GHRH: variants seen among roughly 807,000 people sequenced by gnomAD.
The protein encoded by GHRH is somatoliberin.
In GHRH, 7 loss-of-function variants were observed where a neutral mutation model predicts 15.6. The observed-to-expected ratio is 0.45, with a 90% CI of 0.26 to 0.84. The LOEUF is 0.84. GHRH is among the 40% of genes least tolerant of loss of function. The pLI is 0.18. For missense variants in GHRH, 117 were observed against 138.0 expected, an observed-to-expected ratio of 0.85 and a Z score of 0.76; for synonymous variants, 54 against 50.4, an observed-to-expected ratio of 1.07 and a Z score of -0.30.
chr20:37,253,894 G>A (rs1020242524), intron 4 of GHRH, among the ~76,000 whole-genome samples: 1 of 149,160 alleles, frequency 6.7e-6, no homozygotes, highest in Non-Finnish European at 1.5e-5. Flanking sequence ...GGGATTACAG[G>A]CGTGAGCCAC....
chr20:37,256,825 G>A lies in GHRH; in HGVS notation c.65C>T (p.Pro22Leu). 6.2e-7 allele frequency: 1 copy of A among 1,612,748 alleles called. No homozygotes were observed. ...TLSNSSHCSP[P>L]PPLTLRMRRY... ...TGCTTACCTGAGGGTCAAAGGGGGA[G>A]GTGGGGAGCAGTGGGAGCTGTTGCT... Residue 22 changes from proline to leucine, a missense_variant, in exon 2 of 5, where the codon CCT (proline) becomes CTT (leucine). Transcript: ENST00000373614.
Position 37,251,133 on chromosome 20 carries a change from A to G in GHRH, c.*80T>C. 1 of 971,184 alleles carries G rather than the reference A, an allele frequency of 1.0e-6. No individual in the cohort carries two copies. Among genetic ancestry groups the G allele is most frequent in the African/African-American group, 1.7e-5 (1 of 60,334 alleles). The allele number at this position is 971,184 out of a possible 1,614,324, so 60.2% of individuals were successfully genotyped here. Reference sequence around the variant, plus strand: ...GGAATTTTATTGTATTTTCAAAGGAAAAAGTGGGTCAGAAATGAGAGGATT... The same window carrying G: ...GGAATTTTATTGTATTTTCAAAGGAGAAAGTGGGTCAGAAATGAGAGGATT... On this transcript the variant is annotated 3_prime_UTR_variant, in exon 5 of 5. Coordinates refer to ENST00000373614, the MANE Select transcript of GHRH (RefSeq NM_021081.6).
At chr20:37,260,422 A>C (rs1031238387) in intron 1 of GHRH, among the ~76,000 whole-genome samples, 1 of 151,784 alleles carries the variant, frequency 6.6e-6, no homozygotes, top group Admixed American at 6.6e-5. Context: ...ACACAAAACA[A>C]AACAAAAAAA....
intron 1 of GHRH, among the ~76,000 whole-genome samples, chr20:37,261,409 G>A (rs1401620291): frequency 1.3e-5 from 2 of 152,142 alleles, no homozygotes; most frequent in South Asian, 2.1e-4. Context: ...GAATCCCATC[G>A]CTGACAGGAA....
intron 4 of GHRH, among the ~76,000 whole-genome samples, chr20:37,252,149 C>A (rs1003878740): frequency 6.6e-6 from 1 of 152,208 alleles, no homozygotes; most frequent in East Asian, 1.9e-4. Context: ...TCTTGTCTTG[C>A]GGACCCTAGA....
intron 3 of GHRH, 56 bp downstream of exon 3, chr20:37,256,338 G>A: frequency 9.0e-7 from 1 of 1,116,286 alleles, no homozygotes; most frequent in Non-Finnish European, 1.3e-6. Context: ...TAGGGAACAA[G>A]CTCCTGCAGA....
Position 37,256,494 on chromosome 20 carries a change from G to T in GHRH, c.88C>A (p.Arg30=). 1 of 1,607,928 alleles carries T rather than the reference G, an allele frequency of 6.2e-7. No homozygotes were observed. The highest frequency in any genetic ancestry group is 8.5e-7 in the Non-Finnish European group (1 of 1,175,618). ...GTGAAGATGGCATCTGCATACCGCC[G>T]CATCCTGTGCGGAAGGAGTCAGGGG... ...SPPPPLTLRM[R]RYADAIFTNS... Residue 30 remains arginine (R), a synonymous_variant, in exon 3 of 5, where the codon CGG becomes AGG. Transcript: ENST00000373614.
rs571588577 is a variant in GHRH, at chr20:37,260,182, G to A, written c.-20+1561C>T. Among the ~76,000 whole-genome samples the A allele has an allele frequency of 2.6e-5, 4 of 152,172 alleles. No homozygotes were observed. In the East Asian group the frequency reaches 7.7e-4, roughly 29 times the overall value. On this transcript the variant is annotated intron_variant, in intron 1 of 4. Transcript: ENST00000373614. ...AGCAACTGCACAAGTTAACCAAGAG[G>A]CTCAACATTTGCCACAAATCCTGTG...
At position 37,252,180 on chromosome 20, in the gene GHRH, CCTTTCACAGAGTCGAAA is replaced by C. The variant is rs546466806; in HGVS notation, c.309-966_309-950del. The stretch of plus-strand genomic sequence containing the variant: ...CTAGAGATGGTAAGAGCTAACCCCT[CCTTTCACAGAGTCGAAA>C]CGAAGAAGTGTGTTGCTGTGCCGCT... On this transcript the variant is annotated intron_variant, in intron 4 of 4. Transcript: ENST00000373614. Among the ~76,000 whole-genome samples the C allele has an allele frequency of 2.2e-3, 338 of 152,326 alleles. 3 individuals carry two copies. The highest frequency in any genetic ancestry group is 0.016 in the South Asian group (77 of 4,828).
chr20:37,260,809 A>C (rs1011117772), intron 1 of GHRH, among the ~76,000 whole-genome samples: 2 of 152,188 alleles, frequency 1.3e-5, no homozygotes, highest in Non-Finnish European at 2.9e-5. Context: ...GATTCAGGAT[A>C]AACGGGCACT....
At position 37,258,605 on chromosome 20, in the gene GHRH, C is replaced by A. The variant is rs2068671253; in HGVS notation, c.-19-1697G>T. ...GCAGCCCAGGCCTCAGTGGTCAGCC[C>A]CTCCCTCCATGACATGAGCATCCCC... On this transcript the variant is annotated intron_variant, in intron 1 of 4. Coordinates refer to ENST00000373614, the MANE Select transcript of GHRH (RefSeq NM_021081.6). This position sits in a 1 kb window ranked among gnomAD's most constrained non-coding sequence, Gnocchi z 4.1. 6.6e-6 allele frequency among the ~76,000 whole-genome samples: 1 copy of A among 152,204 alleles called. No individual in the cohort carries two copies. Among genetic ancestry groups the A allele is most frequent in the Non-Finnish European group, 1.5e-5 (1 of 68,036 alleles).
In GHRH at chr20:37,254,231, A is replaced by C; in HGVS notation, c.287T>G (p.Val96Gly). The C allele has an allele frequency of 6.2e-7, 1 of 1,614,182 alleles. No individual in the cohort carries two copies. Residue 96 changes from valine to glycine, a missense_variant, in exon 4 of 5, where the codon GTG (valine) becomes GGG (glycine). Val to Gly is a moderately radical substitution (Grantham distance 109). Transcript: ENST00000373614. The part of the protein sequence containing the change: ...QKQMELESIL[V>G]ALLQKHSRNS... The stretch of plus-strand genomic sequence containing the variant: ...ATACCTGTGCTTCTGCAGCAGGGCC[A>C]CCAGGATGCTCTCCAATTCCATTTG...
intron 1 of GHRH, among the ~76,000 whole-genome samples, chr20:37,257,412 G>A (rs1271475801): frequency 6.6e-6 from 1 of 151,838 alleles, no homozygotes; most frequent in East Asian, 1.9e-4. Context: ...CTACTCAGGA[G>A]GTTGAGGCAC....
intron 1 of GHRH, among the ~76,000 whole-genome samples, chr20:37,257,996 T>C (rs1426600381): frequency 6.6e-6 from 1 of 152,220 alleles, no homozygotes; most frequent in Non-Finnish European, 1.5e-5. Context: ...GTTTTAGTCC[T>C]GGAAGAGACT....
intron 3 of GHRH, 50 bp from the exon 4 acceptor site, chr20:37,254,379 A>C: frequency 6.2e-7 from 1 of 1,605,016 alleles, no homozygotes; most frequent in Non-Finnish European, 8.5e-7. Flanking sequence ...AGGATGTGGA[A>C]AGGCAGGGGT....
At chr20:37,253,528 G>T (rs2068635380) in intron 4 of GHRH, among the ~76,000 whole-genome samples, 1 of 152,190 alleles carries the variant, frequency 6.6e-6, no homozygotes, top group Non-Finnish European at 1.5e-5. Flanking sequence ...TCCGCACTGG[G>T]ATACAGCCAT....
chr20:37,260,257 G>A (rs1378532261), intron 1 of GHRH, among the ~76,000 whole-genome samples: 1 of 152,128 alleles, frequency 6.6e-6, no homozygotes, highest in Non-Finnish European at 1.5e-5. Flanking sequence ...TATGAGAACC[G>A]AATCCATGGG....
At chr20:37,253,455 C>T (rs373174526) in intron 4 of GHRH, among the ~76,000 whole-genome samples, 2 of 152,186 alleles carry the variant, frequency 1.3e-5, no homozygotes, top group African/African-American at 2.4e-5. Context: ...ATTTCTGGGT[C>T]GTATCACGGA....
intron 1 of GHRH, among the ~76,000 whole-genome samples, chr20:37,257,447 G>A (rs1305826370): frequency 2.0e-5 from 3 of 151,730 alleles, no homozygotes; most frequent in African/African-American, 7.3e-5. Flanking sequence ...CCCAGGAGGT[G>A]GAAGTTGCAG....
Sources: gnomAD v4.1 joint callset for allele counts (sites outside exome capture counted in the v4.1 genomes callset) on GRCh38, gnomAD v4.1.1 for gene constraint, Gnocchi (gnomAD v3.1) non-coding constraint, MANE v1.5 for transcripts, NCBI Gene and HGNC (gene_info 2026-07-23, HGNC 2026-07-21) for gene names.